Variants in PDE1C observed in about 807,000 individuals in gnomAD.
PDE1C encodes dual specificity calcium/calmodulin-dependent 3',5'-cyclic nucleotide phosphodiesterase 1C.
In PDE1C, 62 loss-of-function variants were observed where a neutral mutation model predicts 93.1. The ratio of observed to expected loss-of-function variants is 0.67; its 90% CI spans 0.54 to 0.82. The LOEUF (loss-of-function observed/expected upper bound fraction) is 0.82. Ranked by LOEUF, PDE1C falls within the 40% of genes least tolerant of loss-of-function variation. The pLI is 0.00. For synonymous variants in PDE1C, 325 were observed against 310.1 expected (o/e 1.05, Z -0.50); for missense variants, 742 against 884.6 (o/e 0.84, Z 2.04).
rs1418803540 is a variant in PDE1C at position 32,284,038 on chromosome 7, C to G, written c.85+14613G>C. On this transcript the variant is annotated intron_variant, in intron 1 of 18. Coordinates refer to the PDE1C transcript ENST00000396193. ...TATTAACACCAACAAAGACTAGAGC[C>G]TCAAGGTGTTTAACTAAGGTATCTT... Among the ~76,000 whole-genome samples the G allele has an allele frequency of 2.6e-5, 4 of 152,264 alleles. No homozygotes were observed. The East Asian group carries it at 7.7e-4, about 29-fold the overall frequency.
At chr7:31,664,180 C>A in the PDE1C span, among the ~76,000 whole-genome samples, 2 of 152,168 alleles carry the variant, frequency 1.3e-5, no homozygotes, top group Non-Finnish European at 2.9e-5. Flanking sequence ...CAAGTTAGGC[C>A]AGAGCCACAG....
intron 1 of PDE1C, among the ~76,000 whole-genome samples, chr7:32,258,816 C>T (rs149603266): frequency 3.9e-5 from 6 of 152,230 alleles, no homozygotes; most frequent in African/African-American, 1.2e-4. Context: ...TTCTTCATAC[C>T]CTCAAGGAAT....
At chr7:32,330,949 T>C (rs950975402) in intron 1 of PDE1C, among the ~76,000 whole-genome samples, 1 of 152,090 alleles carries the variant, frequency 6.6e-6, no homozygotes, top group Non-Finnish European at 1.5e-5. Context: ...ACTCAGTTCC[T>C]CCTCCCTCCT....
At chr7:32,069,471 C>T (rs975860371) in intron 1 of PDE1C, among the ~76,000 whole-genome samples, 3 of 152,058 alleles carry the variant, frequency 2.0e-5, no homozygotes, top group Admixed American at 6.6e-5. Context: ...GTCTTTGGGA[C>T]CTGCCCAGTG....
At chr7:32,007,884 AT>A (rs1331623263) in intron 2 of PDE1C, among the ~76,000 whole-genome samples, 2 of 152,206 alleles carry the variant, frequency 1.3e-5, no homozygotes, top group African/African-American at 4.8e-5. Context: ...CAGATCTATT[AT>A]TTTTTGAGAC....
chr7:31,831,116 C>A (rs1583510091), intron 11 of PDE1C, among the ~76,000 whole-genome samples: 1 of 152,098 alleles, frequency 6.6e-6, no homozygotes, highest in East Asian at 1.9e-4. Flanking sequence ...GAAGAAAAAG[C>A]AAATGTTTGG....
chr7:32,225,495 A>G (rs753683566), intron 1 of PDE1C, among the ~76,000 whole-genome samples: 1 of 152,118 alleles, frequency 6.6e-6, no homozygotes, highest in Non-Finnish European at 1.5e-5. Flanking sequence ...ATTCCAATAC[A>G]TGAGAAGTCC....
At chr7:32,321,446 G>A (rs959389058) in intron 1 of PDE1C, among the ~76,000 whole-genome samples, 1 of 152,194 alleles carries the variant, frequency 6.6e-6, no homozygotes, top group African/African-American at 2.4e-5. Context: ...TCTCCAGCAT[G>A]CATAAAATAG....
At chr7:32,094,310 C>G (rs1797631428) in intron 3 of PDE1C, among the ~76,000 whole-genome samples, 1 of 152,148 alleles carries the variant, frequency 6.6e-6, no homozygotes, top group Non-Finnish European at 1.5e-5. Context: ...AAAACCCACA[C>G]CAAGAACTCA....
the PDE1C span, among the ~76,000 whole-genome samples, chr7:31,740,036 T>G: frequency 6.6e-6 from 1 of 152,210 alleles, no homozygotes; most frequent in African/African-American, 2.4e-5. Context: ...TATCTTACCT[T>G]TTCCCACTCT....
intron 2 of PDE1C, among the ~76,000 whole-genome samples, chr7:31,911,257 T>C (rs1801211731): frequency 6.6e-6 from 1 of 152,082 alleles, no homozygotes; most frequent in Non-Finnish European, 1.5e-5. Context: ...CAAAATTAAA[T>C]AATAACTAGG....
intron 2 of PDE1C, among the ~76,000 whole-genome samples, chr7:31,977,144 T>C (rs1811771454): frequency 6.6e-6 from 1 of 152,196 alleles, no homozygotes; most frequent in East Asian, 1.9e-4. Context: ...AATCCTCAAA[T>C]TCATATGTTG....
intron 2 of PDE1C, among the ~76,000 whole-genome samples, chr7:32,178,084 G>A (rs540664415): frequency 1.3e-5 from 2 of 152,322 alleles, no homozygotes; most frequent in Non-Finnish European, 2.9e-5. Flanking sequence ...TAATCTGGGT[G>A]GAAATGAAGA....
At chr7:31,962,557 T>C (rs570647451) in intron 2 of PDE1C, among the ~76,000 whole-genome samples, 12 of 152,218 alleles carry the variant, frequency 7.9e-5, no homozygotes, top group African/African-American at 2.2e-4. Flanking sequence ...AAGCATAGAA[T>C]TGGAACTAAA....
intron 3 of PDE1C, among the ~76,000 whole-genome samples, chr7:32,121,589 TAAAAG>T (rs1463773636): frequency 6.6e-6 from 1 of 152,106 alleles, no homozygotes; most frequent in Non-Finnish European, 1.5e-5. Flanking sequence ...TCAACATTCT[TAAAAG>T]AAGAAATTTC....
chr7:31,883,536 A>G (rs1797507370), intron 2 of PDE1C, among the ~76,000 whole-genome samples: 1 of 152,248 alleles, frequency 6.6e-6, no homozygotes, highest in Non-Finnish European at 1.5e-5. Flanking sequence ...TCCCACTTTT[A>G]CAAACTAAAA....
the PDE1C span, chr7:31,651,860 C>A: frequency 1.1e-6 from 1 of 946,456 alleles, no homozygotes. Flanking sequence ...AAGGAAGAAC[C>A]TATATTATGA....
chr7:31,840,534 C>T (rs1285699827), intron 9 of PDE1C, among the ~76,000 whole-genome samples: 1 of 152,122 alleles, frequency 6.6e-6, no homozygotes, highest in East Asian at 1.9e-4. Context: ...CCGCCACCTA[C>T]TTCCAAGGAC....
intron 2 of PDE1C, among the ~76,000 whole-genome samples, chr7:32,034,011 G>C (rs1563225241): frequency 6.6e-6 from 1 of 151,770 alleles, no homozygotes; most frequent in African/African-American, 2.4e-5. Context: ...TAATAAAATA[G>C]AATAGGAAAA....
Sources: allele counts gnomAD v4.1 joint callset (sites outside exome capture counted in the v4.1 genomes callset), GRCh38; gene constraint gnomAD v4.1.1; transcripts MANE v1.5; gene names NCBI Gene and HGNC (gene_info 2026-07-23, HGNC 2026-07-21).